Variants in BRCA2 observed in about 807,000 individuals in gnomAD.
BRCA2 encodes the protein BRCA2 DNA repair associated, also known as breast cancer type 2 susceptibility protein.
Under a neutral mutation model 276.7 loss-of-function variants are expected in BRCA2, and 203 were observed. The ratio of observed to expected loss-of-function variants is 0.73; its 90% confidence interval spans 0.65 to 0.82. The LOEUF is 0.82. BRCA2 is among the 40% of genes least tolerant of loss of function. BRCA2 has a pLI of 0.00. For missense variants in BRCA2, 3,920 were observed against 3,915.0 expected, an observed-to-expected ratio of 1.00 and a Z score of -0.03; for synonymous variants, 1,289 against 1,338.4, an observed-to-expected ratio of 0.96 and a Z score of 0.81.
intron 21 of BRCA2, among the ~76,000 whole-genome samples, chr13:32,377,676 TGTTA>T (rs1482268605): frequency 1.3e-5 from 2 of 151,884 alleles, no homozygotes; most frequent in East Asian, 3.9e-4. Flanking sequence ...TCCATATAAA[TGTTA>T]GTTACTATTA....
rs11147491 is a variant in BRCA2, at chr13:32,380,559, G to A, written c.9256+414G>A. 8.8e-3 allele frequency among the ~76,000 whole-genome samples: 764 copies of A among 87,236 alleles called. 11 individuals are homozygous for A. The highest frequency in any genetic ancestry group is 0.032 in the African/African-American group (723 of 22,720). The allele number at this position is 87,236 out of a possible 152,430, so 57.2% of individuals were successfully genotyped here. A position where few individuals can be genotyped will look rare whatever the true frequency, so the allele number is the denominator to read the frequency against. Reference sequence around the variant, plus strand: ...CTTTTTTTTTTTTTTTTTTTTCCCCGAGATGGAGTCTCACTCTGTTGCCCA... The same window carrying A: ...CTTTTTTTTTTTTTTTTTTTTCCCCAAGATGGAGTCTCACTCTGTTGCCCA... On this transcript the variant is annotated intron_variant, in intron 24 of 26. Coordinates refer to ENST00000380152, the MANE Select transcript of BRCA2 (RefSeq NM_000059.4).
At position 32,357,912 on chromosome 13, in the gene BRCA2, A is replaced by T. The variant is rs1332875181; in HGVS notation, c.7788A>T (p.Gly2596=). 3 of 1,614,070 alleles carry T rather than the reference A, an allele frequency of 1.9e-6. No homozygotes were observed. Among genetic ancestry groups the T allele is most frequent in the Admixed American group, 3.3e-5 (2 of 60,026 alleles). ...TACCCTCCAATGATGGAAAGGCTGGAAAAGAAGAATTTTATAGGTACTCTA... is the reference window on the plus strand; with the variant it reads ...TACCCTCCAATGATGGAAAGGCTGGTAAAGAAGAATTTTATAGGTACTCTA... ...WLIPSNDGKA[G]KEEFYRALCD... The change falls in exon 16 of 27, where the codon GGA becomes GGT. Residue 2596 remains glycine (G), a synonymous_variant. Transcript: ENST00000380152.
rs1555288398 is a variant in BRCA2, at chr13:32,379,476, T to C, written c.8914T>C (p.Leu2972=). The C allele has an allele frequency of 6.2e-7, 1 of 1,613,346 alleles. No individual in the cohort carries two copies. Among genetic ancestry groups the C allele is most frequent in the South Asian group, 1.1e-5 (1 of 90,888 alleles). The change falls in exon 22 of 27, where the codon TTG becomes CTG. Residue 2972 remains leucine, a synonymous_variant. Transcript: ENST00000380152. The stretch of plus-strand genomic sequence containing the variant: ...AAGGGATGTCACAACCGTGTGGAAG[T>C]TGCGTATTGTAAGCTATTCAAAAAA... ...LSRDVTTVWK[L]RIVSYSKKEK...
chr13:32,366,848 G>T (rs2072785777), intron 18 of BRCA2, among the ~76,000 whole-genome samples: 1 of 143,340 alleles, frequency 7.0e-6, no homozygotes, highest in African/African-American at 2.6e-5. Context: ...ATGCTTATTG[G>T]TTTCATCTAT....
chr13:32,344,509 A>C, intron 11 of BRCA2, 49 bp from the exon 12 acceptor site: 1 of 1,253,268 alleles, frequency 8.0e-7, no homozygotes, highest in Non-Finnish European at 1.1e-6. Context: ...TTGAGAAATA[A>C]AACTGATATT....
In BRCA2 at chr13:32,355,078, C is replaced by A. The variant is rs2137557061; in HGVS notation, c.7225C>A (p.Pro2409Thr). The change falls in exon 14 of 27, where the codon CCT becomes ACT. Residue 2409 changes from proline to threonine, a missense_variant. Around this residue, in one of 2 missense-constraint regions of BRCA2, gnomAD observed 3,263 missense variants for 3,156.9 expected, o/e 1.03. Coordinates refer to ENST00000380152, the MANE Select transcript of BRCA2 (RefSeq NM_000059.4). ...TGRPTKVFVPPFKTKSHFHRV... is the reference protein window; with the variant it reads ...TGRPTKVFVPTFKTKSHFHRV... The stretch of plus-strand genomic sequence containing the variant: ...CAGACCAACCAAAGTCTTTGTTCCA[C>A]CTTTTAAAACTAAATCACATTTTCA... 1 of 1,613,886 alleles carries A rather than the reference C, an allele frequency of 6.2e-7. No individual in the cohort carries two copies. Among genetic ancestry groups the A allele is most frequent in the East Asian group, 2.2e-5 (1 of 44,854 alleles).
chr13:32,334,670 T>C (rs1392873629), intron 10 of BRCA2, among the ~76,000 whole-genome samples: 1 of 146,982 alleles, frequency 6.8e-6, no homozygotes, highest in Non-Finnish European at 1.5e-5. Context: ...TGAGACCTTG[T>C]CCCTGAAAAA....
rs1264835131 is a variant in BRCA2, at chr13:32,337,529, A to G, written c.3174A>G (p.Lys1058=). ...VNTLALDNQK[K]LSKPQSINTV... The stretch of plus-strand genomic sequence containing the variant: ...CCTTGGCATTAGATAATCAAAAGAA[A>G]CTGAGCAAGCCTCAGTCAATTAATA... Residue 1058 remains lysine, a synonymous_variant, in exon 11 of 27, where the codon AAA becomes AAG. Coordinates refer to ENST00000380152, the MANE Select transcript of BRCA2 (RefSeq NM_000059.4). 1 of 1,607,814 alleles carries G rather than the reference A, an allele frequency of 6.2e-7. No individual in the cohort carries two copies. The highest frequency in any genetic ancestry group is 8.5e-7 in the Non-Finnish European group (1 of 1,176,858).
Position 32,379,768 on chromosome 13 carries a change from G to T in BRCA2, c.8972G>T (p.Arg2991Leu), listed in dbSNP as rs80359150. The change falls in exon 23 of 27, where the codon CGT (arginine) becomes CTT (leucine). Residue 2991 changes from arginine to leucine, a missense_variant. Arg to Leu is a moderately radical substitution (Grantham distance 102). Coordinates refer to ENST00000380152, the MANE Select transcript of BRCA2 (RefSeq NM_000059.4). ...EKDSVILSIW[R>L]PSSDLYSLLT... ...CAAACAGTTATACTGAGTATTTGGCGTCCATCATCAGATTTATATTCTCTG... is the reference window on the plus strand; with the variant it reads ...CAAACAGTTATACTGAGTATTTGGCTTCCATCATCAGATTTATATTCTCTG... The T allele has an allele frequency of 1.9e-6, 3 of 1,611,812 alleles. No individual in the cohort carries two copies. Among genetic ancestry groups the T allele is most frequent in the Non-Finnish European group, 2.5e-6 (3 of 1,178,102 alleles).
At position 32,316,589 on chromosome 13, in the gene BRCA2, T is replaced by G. The variant is rs11571574; in HGVS notation, c.67+62T>G. The G allele has an allele frequency of 2.6e-3, 3,854 of 1,469,116 alleles. 22 individuals carry two copies. Among genetic ancestry groups the G allele is most frequent in the Middle Eastern group, 0.023 (111 of 4,830 alleles). The allele number at this position is 1,469,116 out of a possible 1,614,324, so 91.0% of individuals were successfully genotyped here. On this transcript the variant is annotated intron_variant, in intron 2 of 26. Transcript: ENST00000380152. ...CGAGAAAGTGTTTTCTAAAAAATGC[T>G]TGCTAAAAACCCAGTACGTCACAGT...
At chr13:32,353,284 G>A (rs2072664489) in intron 13 of BRCA2, among the ~76,000 whole-genome samples, 1 of 152,056 alleles carries the variant, frequency 6.6e-6, no homozygotes, top group Admixed American at 6.6e-5. Flanking sequence ...ATCTCTTTGA[G>A]TACTCTCCTG....
At chr13:32,322,498 C>CTAGT (rs1566217139) in intron 3 of BRCA2, among the ~76,000 whole-genome samples, 1 of 152,148 alleles carries the variant, frequency 6.6e-6, no homozygotes, top group East Asian at 1.9e-4. Context: ...ATGGGTCTGG[C>CTAGT]TAGTTATCTG....
At chr13:32,362,224 C>T (rs1181016008) in intron 16 of BRCA2, among the ~76,000 whole-genome samples, 2 of 151,972 alleles carry the variant, frequency 1.3e-5, no homozygotes, top group Admixed American at 6.6e-5. Context: ...ATGTGGGGGT[C>T]TCACTATGTT....
rs587778121 is a variant in BRCA2 at position 32,339,585 on chromosome 13, A to G, written c.5230A>G (p.Ser1744Gly). Residue 1744 changes from serine to glycine, a missense_variant, in exon 11 of 27, where the codon AGC (serine) becomes GGC (glycine). This residue lies in a region of BRCA2 where 3,263 missense variants were observed against 3,156.9 expected (regional missense o/e 1.03). Transcript: ENST00000380152. The stretch of plus-strand genomic sequence containing the variant: ...ACAAGATACTTATTTAAGTAACAGT[A>G]GCATGTCTAACAGCTATTCCTACCA... ...EKQDTYLSNS[S>G]MSNSYSYHSD... 2 of 1,610,728 alleles carry G rather than the reference A, an allele frequency of 1.2e-6. No individual in the cohort carries two copies. The highest frequency in any genetic ancestry group is 1.7e-6 in the Non-Finnish European group (2 of 1,177,790).
rs28897718 is a variant in BRCA2 at position 32,337,312 on chromosome 13, A to T, written c.2957A>T (p.Asn986Ile). 6.2e-7 allele frequency: 1 copy of T among 1,613,154 alleles called. No homozygotes were observed. Among genetic ancestry groups the T allele is most frequent in the Admixed American group, 1.7e-5 (1 of 59,888 alleles). Residue 986 changes from asparagine (N) to isoleucine (I), a missense_variant, in exon 11 of 27, where the codon AAT (asparagine) becomes ATT (isoleucine). Around this residue, in one of 2 missense-constraint regions of BRCA2, gnomAD observed 3,263 missense variants for 3,156.9 expected, o/e 1.03. Transcript: ENST00000380152. Reference protein sequence around the residue: ...SLNIDKIPEKNNDYMNKWAGL... With the variant: ...SLNIDKIPEKINDYMNKWAGL... ...AATATAGATAAAATACCAGAAAAAA[A>T]TAATGATTACATGAACAAATGGGCA...
intron 14 of BRCA2, among the ~76,000 whole-genome samples, chr13:32,355,778 G>T (rs918863938): frequency 1.1e-4 from 16 of 151,926 alleles, no homozygotes; most frequent in African/African-American, 3.9e-4. Flanking sequence ...TGCTTGGGAG[G>T]CTGAGGCAGG....
Position 32,339,475 on chromosome 13 carries a change from C to T in BRCA2, c.5120C>T (p.Thr1707Ile), listed in dbSNP as rs786202354. 2 of 1,584,562 alleles carry T rather than the reference C, an allele frequency of 1.3e-6. No homozygotes were observed. Among genetic ancestry groups the T allele is most frequent in the Non-Finnish European group, 1.7e-6 (2 of 1,167,640 alleles). Residue 1707 changes from threonine (T) to isoleucine (I), a missense_variant, in exon 11 of 27, where the codon ACT (threonine) becomes ATT (isoleucine). Thr to Ile is a moderately conservative substitution (Grantham distance 89, BLOSUM62 -1). Transcript: ENST00000380152. Reference sequence around the variant, plus strand: ...GATGGTCAACCAGAAAGAATAAATACTGCAGATTATGTAGGAAATTATTTG... The same window carrying T: ...GATGGTCAACCAGAAAGAATAAATATTGCAGATTATGTAGGAAATTATTTG... ...IFDGQPERIN[T>I]ADYVGNYLYE...
At chr13:32,318,816 T>G (rs1437599856) in intron 2 of BRCA2, among the ~76,000 whole-genome samples, 1 of 152,198 alleles carries the variant, frequency 6.6e-6, no homozygotes, top group African/African-American at 2.4e-5. Flanking sequence ...TAAATAAAAT[T>G]TAAATGAAAA....
rs535285156 is a variant in BRCA2 at position 32,373,947 on chromosome 13, C to T, written c.8633-2723C>T. 2.0e-5 allele frequency among the ~76,000 whole-genome samples: 3 copies of T among 152,366 alleles called. No homozygotes were observed. The East Asian group carries it at 5.8e-4, about 29-fold the overall frequency. ...TGGACATCCTGGCACTTCCATACAT[C>T]CTCTGAAATCTAGGCAGAGGCTCCC... is the stretch of plus-strand genomic sequence containing the variant. On this transcript the variant is annotated intron_variant, in intron 20 of 26. Transcript: ENST00000380152.
Sources: allele counts gnomAD v4.1 joint callset (sites outside exome capture counted in the v4.1 genomes callset), GRCh38; gene constraint gnomAD v4.1.1; regional missense constraint gnomAD v4.1.1; transcripts MANE v1.5; gene names NCBI Gene and HGNC (gene_info 2026-07-23, HGNC 2026-07-21).